Variants in SLC6A13 observed in about 807,000 individuals in gnomAD.
SLC6A13 encodes the protein sodium- and chloride-dependent GABA transporter 2.
In SLC6A13, 69 loss-of-function variants were observed where a neutral mutation model predicts 72.9. That is an observed-to-expected ratio of 0.95 (90% confidence interval 0.78 to 1.16). The LOEUF is 1.16. Ranked by LOEUF, SLC6A13 falls within the 50% of genes most tolerant of loss-of-function variation. SLC6A13 has a pLI of 0.00. For missense variants in SLC6A13, 735 were observed against 760.5 expected, an observed-to-expected ratio of 0.97 and a Z score of 0.39; for synonymous variants, 303 against 303.0, an observed-to-expected ratio of 1.00 and a Z score of 0.00.
At chr12:224,616 G>A in intron 9 of SLC6A13, 103 bp from the exon 10 acceptor site, 1 of 889,690 alleles carries the variant, frequency 1.1e-6, no homozygotes, top group Non-Finnish European at 1.8e-6. Context: ...ACAGGGGCTA[G>A]AGGAAACTTC....
At position 220,842 on chromosome 12, in the gene SLC6A13, C is replaced by G; in HGVS notation, c.*106G>C. Reference sequence around the variant, plus strand: ...CTCCAAAATACCCCTCTTGTCTTATCCACTCCAGGTCGGGGGCAGGGAAGC... The same window carrying G: ...CTCCAAAATACCCCTCTTGTCTTATGCACTCCAGGTCGGGGGCAGGGAAGC... On this transcript the variant is annotated 3_prime_UTR_variant, in exon 15 of 15. Transcript: ENST00000343164. 7.1e-7 allele frequency: 1 copy of G among 1,415,970 alleles called. No individual in the cohort carries two copies. Among genetic ancestry groups the G allele is most frequent in the Non-Finnish European group, 9.6e-7 (1 of 1,038,522 alleles). The allele number at this position is 1,415,970 out of a possible 1,614,324, so 87.7% of individuals were successfully genotyped here.
intron 13 of SLC6A13, among the ~76,000 whole-genome samples, chr12:221,990 G>A (rs1941232954): frequency 6.6e-6 from 1 of 152,214 alleles, no homozygotes; most frequent in Non-Finnish European, 1.5e-5. Flanking sequence ...TGCGCGTTGT[G>A]GTTTCAGGCT....
At chr12:223,854 G>C in intron 11 of SLC6A13, 138 bp downstream of exon 11, 1 of 941,646 alleles carries the variant, frequency 1.1e-6, no homozygotes, top group Admixed American at 2.2e-5. Flanking sequence ...TCCTGGGATG[G>C]GGAAAAGAGG....
At chr12:243,545 C>T (rs1052248161) in intron 3 of SLC6A13, 134 bp downstream of exon 3, 3 of 886,034 alleles carry the variant, frequency 3.4e-6, no homozygotes, top group Non-Finnish European at 5.1e-6. Flanking sequence ...ATGCAGCCCA[C>T]AAACCAAGGG....
chr12:241,195 T>G (rs1435469285), intron 4 of SLC6A13, among the ~76,000 whole-genome samples: 2 of 151,956 alleles, frequency 1.3e-5, no homozygotes, highest in Non-Finnish European at 2.9e-5. Context: ...TCCCATCTAC[T>G]TGGGAGGCTG....
chr12:236,430 C>A (rs1941933680), intron 6 of SLC6A13, among the ~76,000 whole-genome samples: 1 of 152,196 alleles, frequency 6.6e-6, no homozygotes, highest in South Asian at 2.1e-4. Flanking sequence ...ATAGAAAGAA[C>A]CTACTTTGAA....
At chr12:239,225 G>A (rs1285290047) in intron 4 of SLC6A13, among the ~76,000 whole-genome samples, 2 of 32,122 alleles carry the variant, frequency 6.2e-5, no homozygotes, top group East Asian at 6.9e-4. Context: ...CACATGGGTT[G>A]TGTTGGATCC....
At chr12:252,955 G>A (rs1942607048) in intron 2 of SLC6A13, among the ~76,000 whole-genome samples, 2 of 152,184 alleles carry the variant, frequency 1.3e-5, no homozygotes, top group African/African-American at 4.8e-5. Context: ...GGGTCGGGGT[G>A]GGAGGGAGCC....
intron 7 of SLC6A13, among the ~76,000 whole-genome samples, chr12:232,576 G>A (rs561574901): frequency 3.9e-5 from 6 of 152,330 alleles, no homozygotes; most frequent in South Asian, 4.1e-4. Flanking sequence ...AATGAGGAAC[G>A]TGCACTGGAA....
chr12:254,912 C>T lies in SLC6A13; in HGVS notation c.202+4939G>A, dbSNP rs142802524. Among the ~76,000 whole-genome samples, 1,000 of 152,166 alleles carry T rather than the reference C, an allele frequency of 6.6e-3. 8 individuals are homozygous for T. The highest frequency in any genetic ancestry group is 0.022 in the African/African-American group (929 of 41,508). On this transcript the variant is annotated intron_variant, in intron 2 of 14. Transcript: ENST00000343164. This position sits in a 1 kb window ranked among gnomAD's most constrained non-coding sequence, Gnocchi z 4.4. ...CTGTAATCCCAGCACTTTGGGAGGC[C>T]GAGGCAGGCAGATCACTTGAGACCA...
chr12:255,122 G>A (rs1942694746), intron 2 of SLC6A13, among the ~76,000 whole-genome samples: 1 of 152,216 alleles, frequency 6.6e-6, no homozygotes, highest in East Asian at 1.9e-4. Flanking sequence ...GCTAGCAGTG[G>A]AGGGGATGAG....
intron 7 of SLC6A13, 64 bp downstream of exon 7, chr12:235,026 A>C (rs1456606590): frequency 1.7e-5 from 27 of 1,590,772 alleles, no homozygotes; most frequent in South Asian, 4.4e-5. Context: ...GTCAGAGTGC[A>C]GGGAAAGCCT....
intron 1 of SLC6A13, among the ~76,000 whole-genome samples, chr12:260,451 G>A (rs1310225157): frequency 2.0e-5 from 3 of 152,186 alleles, no homozygotes; most frequent in South Asian, 2.1e-4. Flanking sequence ...GCTGGGACAC[G>A]TTGAAAGGAT....
At chr12:259,815 G>T in intron 2 of SLC6A13, 36 bp downstream of exon 2, 1 of 1,614,234 alleles carries the variant, frequency 6.2e-7, no homozygotes, top group Non-Finnish European at 8.5e-7. Context: ...CCTCCTTCCA[G>T]GAGTGGGTGG....
At chr12:244,438 C>A (rs186078922) in intron 2 of SLC6A13, among the ~76,000 whole-genome samples, 18 of 152,270 alleles carry the variant, frequency 1.2e-4, no homozygotes, top group Admixed American at 9.2e-4. Context: ...CCTGTAATCC[C>A]AGCACTTTGG....
At chr12:258,211 C>T (rs980738372) in intron 2 of SLC6A13, among the ~76,000 whole-genome samples, 1 of 152,190 alleles carries the variant, frequency 6.6e-6, no homozygotes, top group Non-Finnish European at 1.5e-5. Flanking sequence ...GGAAGGGACA[C>T]GACAGCCCAT....
chr12:237,534 C>T (rs958365415), intron 5 of SLC6A13, among the ~76,000 whole-genome samples: 1 of 151,510 alleles, frequency 6.6e-6, no homozygotes, highest in Non-Finnish European at 1.5e-5. Flanking sequence ...GTGCAGGCAC[C>T]TATGTTTCCA....
chr12:243,869 A>C, intron 2 of SLC6A13, 56 bp from the exon 3 acceptor site: 1 of 1,570,406 alleles, frequency 6.4e-7, no homozygotes, highest in South Asian at 1.2e-5. Context: ...CATGGTCTGC[A>C]TTCACCTCCT....
chr12:262,547 T>C (rs191943869), intron 1 of SLC6A13: 1 of 221,192 alleles, frequency 4.5e-6, no homozygotes, highest in Admixed American at 6.5e-5. Context: ...TCCAGTTGTC[T>C]TTCCTCTCAA....
Sources: allele counts gnomAD v4.1 joint callset (sites outside exome capture counted in the v4.1 genomes callset), GRCh38; gene constraint gnomAD v4.1.1; non-coding constraint Gnocchi (gnomAD v3.1); transcripts MANE v1.5; gene names NCBI Gene and HGNC (gene_info 2026-07-23, HGNC 2026-07-21).